The following ZNF462 variants were observed in gnomAD, a reference collection of about 807,000 sequenced individuals.
ZNF462 encodes zinc finger protein 462.
Under a neutral mutation model 201.9 loss-of-function variants are expected in ZNF462, and 10 were observed. The ratio of observed to expected loss-of-function variants is 0.05; its 90% CI spans 0.03 to 0.08. The LOEUF (loss-of-function observed/expected upper bound fraction) is 0.08. ZNF462 is among the 10% of genes least tolerant of loss of function. The probability of loss-of-function intolerance (pLI) is 1.00; values close to 1 mark genes in which losing one functional copy is unlikely to be tolerated. For synonymous variants in ZNF462, 1,227 were observed against 1,193.3 expected (o/e 1.03, Z -0.58); for missense variants, 2,523 against 3,168.3 (o/e 0.80, Z 4.89).
At position 107,005,422 on chromosome 9, in the gene ZNF462, T is replaced by C. The variant is rs932660070; in HGVS notation, c.7189+1996T>C. 6.6e-6 allele frequency among the ~76,000 whole-genome samples: 1 copy of C among 152,218 alleles called. No homozygotes were observed. On this transcript the variant is annotated intron_variant, in intron 11 of 12. Coordinates refer to ENST00000277225, the MANE Select transcript of ZNF462 (RefSeq NM_021224.6). The surrounding 1 kb of genome is among the most constrained non-coding windows in gnomAD (Gnocchi z 4.4). The stretch of plus-strand genomic sequence containing the variant: ...TAGCCTCGTAACAGGTGTGAAGTGA[T>C]AGCTCATTGTGGTTTAATTTGCATT...
rs556315093 is a variant in ZNF462, at chr9:106,933,436, G to A, written c.6116+887G>A. Among the ~76,000 whole-genome samples the A allele has an allele frequency of 6.6e-6, 1 of 151,992 alleles. No homozygotes were observed. The highest frequency in any genetic ancestry group is 1.5e-5 in the Non-Finnish European group (1 of 67,998). The stretch of plus-strand genomic sequence containing the variant: ...ATCTTTGTCATCAGATCCATACATT[G>A]GCATAAAACTTGAAATACTTCAATT... On this transcript the variant is annotated intron_variant, in intron 5 of 12. Coordinates refer to ENST00000277225, the MANE Select transcript of ZNF462 (RefSeq NM_021224.6). This position sits in a 1 kb window ranked among gnomAD's most constrained non-coding sequence, Gnocchi z 4.3.
chr9:106,984,477 C>A lies in ZNF462; in HGVS notation c.7056+68C>A. The A allele has an allele frequency of 7.8e-7, 1 of 1,287,826 alleles. No individual in the cohort carries two copies. Among genetic ancestry groups the A allele is most frequent in the African/African-American group, 1.5e-5 (1 of 67,716 alleles). 79.8% of individuals were successfully genotyped at this position (1,287,826 alleles called of 1,614,324 possible). A position where few individuals can be genotyped will look rare whatever the true frequency, so the allele number is the denominator to read the frequency against. Reference sequence around the variant, plus strand: ...GGGAGGGGCCAAGGGGGAGACACCACTGCATTTAGTCACGACCACTGTGTA... The same window carrying A: ...GGGAGGGGCCAAGGGGGAGACACCAATGCATTTAGTCACGACCACTGTGTA... On this transcript the variant is annotated intron_variant, in intron 10 of 12. Coordinates refer to ENST00000277225, the MANE Select transcript of ZNF462 (RefSeq NM_021224.6). The surrounding 1 kb of genome is among the most constrained non-coding windows in gnomAD (Gnocchi z 6.4).
At chr9:106,945,464 G>T (rs1015566412) in intron 7 of ZNF462, among the ~76,000 whole-genome samples, 1 of 152,074 alleles carries the variant, frequency 6.6e-6, no homozygotes, top group Non-Finnish European at 1.5e-5. Context: ...TTCCACACAG[G>T]TTCCAATTGC....
chr9:106,913,436 T>C lies in ZNF462; in HGVS notation c.-30-9918T>C, dbSNP rs933089706. 2.6e-5 allele frequency among the ~76,000 whole-genome samples: 4 copies of C among 152,102 alleles called. No individual in the cohort carries two copies. The highest frequency in any genetic ancestry group is 9.7e-5 in the African/African-American group (4 of 41,426). On this transcript the variant is annotated intron_variant, in intron 1 of 12. Transcript: ENST00000277225. The surrounding 1 kb of genome is among the most constrained non-coding windows in gnomAD (Gnocchi z 4.1). ...TCAGAGCCAGACTTATGCCGGGCCC[T>C]GGGGATATAAGAATAAAAAAGAACG...
intron 1 of ZNF462, among the ~76,000 whole-genome samples, chr9:106,899,422 G>A (rs1828962568): frequency 6.6e-6 from 1 of 152,192 alleles, no homozygotes; most frequent in Non-Finnish European, 1.5e-5. Context: ...TAAGGAATCA[G>A]CCTTAGATGA....
chr9:106,996,708 G>T (rs913459265), intron 10 of ZNF462, among the ~76,000 whole-genome samples: 2 of 152,086 alleles, frequency 1.3e-5, no homozygotes, highest in Non-Finnish European at 2.9e-5. Flanking sequence ...GTAGATTCTG[G>T]ATATTAACCC....
chr9:106,967,829 T>C (rs1284380036), intron 7 of ZNF462, among the ~76,000 whole-genome samples: 2 of 152,142 alleles, frequency 1.3e-5, no homozygotes, highest in Non-Finnish European at 1.5e-5. Flanking sequence ...GGTCCCTTAT[T>C]TTGTTTATAT....
chr9:106,945,032 C>G (rs1005495567), intron 7 of ZNF462, among the ~76,000 whole-genome samples: 8 of 152,094 alleles, frequency 5.3e-5, no homozygotes, highest in African/African-American at 1.4e-4. Context: ...ACTTCACTAA[C>G]CCATGCCATA....
intron 1 of ZNF462, among the ~76,000 whole-genome samples, chr9:106,881,231 T>C (rs990870131): frequency 6.6e-6 from 1 of 152,158 alleles, no homozygotes; most frequent in African/African-American, 2.4e-5. Context: ...GAGATTATTA[T>C]GTTGGGAGCA....
intron 7 of ZNF462, among the ~76,000 whole-genome samples, chr9:106,945,200 G>A (rs1831051649): frequency 6.6e-6 from 1 of 152,144 alleles, no homozygotes; most frequent in African/African-American, 2.4e-5. Context: ...ATTCATATAT[G>A]AAATGTAAGG....
intron 7 of ZNF462, among the ~76,000 whole-genome samples, chr9:106,943,151 C>T (rs1209510091): frequency 6.6e-6 from 1 of 150,948 alleles, no homozygotes; most frequent in Non-Finnish European, 1.5e-5. Context: ...GGTTGTGATA[C>T]CCCTCCATTT....
chr9:106,991,926 A>G (rs1828310968), intron 10 of ZNF462, among the ~76,000 whole-genome samples: 6 of 151,724 alleles, frequency 4.0e-5, no homozygotes, highest in South Asian at 2.1e-4. Context: ...AGCTAAAACT[A>G]TAAAACTTTC....
chr9:106,863,741 G>A (rs938851871), intron 1 of ZNF462, among the ~76,000 whole-genome samples: 2 of 151,764 alleles, frequency 1.3e-5, no homozygotes, highest in African/African-American at 4.8e-5. Flanking sequence ...ATGAAGAGAA[G>A]AGAAAATGAA....
chr9:106,927,210 C>CCCCCCCCCCAA lies in ZNF462; in HGVS notation c.3305_3306insCCAACCCCCCC (p.Pro1106HisfsTer39). On this transcript the variant is annotated frameshift_variant, in exon 3 of 13. Coordinates refer to ENST00000277225, the MANE Select transcript of ZNF462 (RefSeq NM_021224.6). LOFTEE classifies it high-confidence loss of function. ...CAAAATGTCCAACATGGGTTCCCCA[C>CCCCCCCCCCAA]CCCCCCCACAACCCCCGCCACCAGA... is the stretch of plus-strand genomic sequence containing the variant. 6.4e-7 allele frequency: 1 copy of CCCCCCCCCCAA among 1,565,672 alleles called. No individual in the cohort carries two copies. Among genetic ancestry groups the CCCCCCCCCCAA allele is most frequent in the Non-Finnish European group, 8.7e-7 (1 of 1,145,490 alleles).
intron 7 of ZNF462, among the ~76,000 whole-genome samples, chr9:106,956,527 T>C (rs1460424386): frequency 6.6e-6 from 1 of 152,186 alleles, no homozygotes; most frequent in Non-Finnish European, 1.5e-5. Context: ...ACCAGCTGCA[T>C]TAGTCTGTAC....
chr9:106,932,755 G>A lies in ZNF462; in HGVS notation c.6116+206G>A. On this transcript the variant is annotated intron_variant, in intron 5 of 12. Transcript: ENST00000277225. The surrounding 1 kb of genome is among the most constrained non-coding windows in gnomAD (Gnocchi z 6.8). Reference sequence around the variant, plus strand: ...TCGGATGGCGTTAGATTTGGCAAATGCAGGCATTTTAAAAATGAGAATTGG... The same window carrying A: ...TCGGATGGCGTTAGATTTGGCAAATACAGGCATTTTAAAAATGAGAATTGG... 1.6e-6 allele frequency: 1 copy of A among 643,954 alleles called. No individual in the cohort carries two copies. Among genetic ancestry groups the A allele is most frequent in the Non-Finnish European group, 2.6e-6 (1 of 377,696 alleles). 39.9% of individuals were successfully genotyped at this position (643,954 alleles called of 1,614,324 possible). A position where few individuals can be genotyped will look rare whatever the true frequency, so the allele number is the denominator to read the frequency against.
chr9:107,003,464 C>T lies in ZNF462; in HGVS notation c.7189+38C>T. The T allele has an allele frequency of 6.2e-7, 1 of 1,609,226 alleles. No individual in the cohort carries two copies. The highest frequency in any genetic ancestry group is 1.3e-5 in the African/African-American group (1 of 74,878). On this transcript the variant is annotated intron_variant, in intron 11 of 12. Transcript: ENST00000277225. This position sits in a 1 kb window ranked among gnomAD's most constrained non-coding sequence, Gnocchi z 4.4. ...CTGCCCTCCCAATCCCAGATGGCAT[C>T]TGGCATGTCCGTAGTGAGACAGAAG...
chr9:106,929,680 A>G lies in ZNF462; in HGVS notation c.5768A>G (p.Lys1923Arg). 1 of 1,614,178 alleles carries G rather than the reference A, an allele frequency of 6.2e-7. No individual in the cohort carries two copies. Among genetic ancestry groups the G allele is most frequent in the Non-Finnish European group, 8.5e-7 (1 of 1,180,034 alleles). The change falls in exon 3 of 13, where the codon AAA becomes AGA. Residue 1923 changes from lysine (K) to arginine (R), a missense_variant. Lys to Arg is a conservative substitution (Grantham distance 26, BLOSUM62 2). This residue lies in a region of ZNF462 where 107 missense variants were observed against 187.7 expected (regional missense o/e 0.57). Coordinates refer to ENST00000277225, the MANE Select transcript of ZNF462 (RefSeq NM_021224.6). The surrounding 1 kb of genome is among the most constrained non-coding windows in gnomAD (Gnocchi z 8.7). ...IHNEEFQKRAKRQERRKQLLS... is the reference protein window; with the variant it reads ...IHNEEFQKRARRQERRKQLLS... ...AATGAGGAATTCCAGAAGCGTGCCAAACGTCAGGAGAGGAGGAAACAGCTT... is the reference window on the plus strand; with the variant it reads ...AATGAGGAATTCCAGAAGCGTGCCAGACGTCAGGAGAGGAGGAAACAGCTT...
At chr9:106,955,412 A>G (rs1306456683) in intron 7 of ZNF462, among the ~76,000 whole-genome samples, 1 of 152,202 alleles carries the variant, frequency 6.6e-6, no homozygotes, top group Non-Finnish European at 1.5e-5. Flanking sequence ...AAAAAATGCT[A>G]ATGATTATCT....
Sources: gnomAD v4.1 joint callset for allele counts (sites outside exome capture counted in the v4.1 genomes callset) on GRCh38, gnomAD v4.1.1 for gene constraint, gnomAD v4.1.1 regional missense constraint, Gnocchi (gnomAD v3.1) non-coding constraint, MANE v1.5 for transcripts, NCBI Gene and HGNC (gene_info 2026-07-23, HGNC 2026-07-21) for gene names.